The following ARHGAP21 variants were observed in gnomAD, a reference collection of about 807,000 sequenced individuals.
ARHGAP21 encodes rho GTPase-activating protein 21.
In ARHGAP21, 38 loss-of-function variants were observed where a neutral mutation model predicts 164.6. The observed-to-expected ratio is 0.23, with a 90% CI of 0.18 to 0.30. The LOEUF is 0.30. Ranked by LOEUF, ARHGAP21 falls within the 10% of genes least tolerant of loss-of-function variation. The pLI, the probability that ARHGAP21 is intolerant of heterozygous loss-of-function variation, is 1.00. For missense variants in ARHGAP21, 1,822 were observed against 2,370.7 expected, an observed-to-expected ratio of 0.77 and a Z score of 4.81; for synonymous variants, 766 against 857.9, an observed-to-expected ratio of 0.89 and a Z score of 1.87.
intron 24 of ARHGAP21, 64 bp downstream of exon 24, chr10:24,591,161 C>A: frequency 1.5e-6 from 2 of 1,299,864 alleles, no homozygotes; most frequent in East Asian, 2.4e-5. Context: ...GATTGATTTG[C>A]TCTTTCATAT....
rs950979734 is a variant in ARHGAP21, at chr10:24,722,283, G to A, written c.-380-4C>T. ...AGTGTCAGCTCCTAGAGAGATCCTA[G>A]GAAAACGAGAAGTTAAAGGTCATGA... On this transcript the variant is annotated splice_region_variant and splice_polypyrimidine_tract_variant and intron_variant, in intron 1 of 25. Transcript: ENST00000396432. 4.5e-6 allele frequency: 1 copy of A among 222,774 alleles called. No individual in the cohort carries two copies. Among genetic ancestry groups the A allele is most frequent in the African/African-American group, 2.2e-5 (1 of 45,120 alleles). 13.8% of individuals were successfully genotyped at this position (222,774 alleles called of 1,614,324 possible).
intron 2 of ARHGAP21, among the ~76,000 whole-genome samples, chr10:24,711,195 T>C (rs918054493): frequency 2.0e-5 from 3 of 151,454 alleles, no homozygotes; most frequent in African/African-American, 7.3e-5. Flanking sequence ...AGAAAGAAGT[T>C]AGTTGGAGCA....
chr10:24,591,610 A>T, intron 23 of ARHGAP21, 32 bp downstream of exon 23: 1 of 1,610,684 alleles, frequency 6.2e-7, no homozygotes, highest in Non-Finnish European at 8.5e-7. Context: ...AAATGAAACT[A>T]CTGAGTACAA....
chr10:24,584,750 G>A lies in ARHGAP21; in HGVS notation c.5539C>T (p.Leu1847Phe), dbSNP rs1263120864. ...CTGGCCAGCCAGTCTGAGATGGAAA[G>A]GTCCTGGGCTGAGCATTTTGGTTTT... ...RLKPKCSAQD[L>F]SISDWLARER... The change falls in exon 26 of 26, where the codon CTT (leucine) becomes TTT (phenylalanine). Residue 1847 changes from leucine to phenylalanine, a missense_variant. By Grantham distance (22) the Leu-to-Phe change is conservative. This residue lies in a region of ARHGAP21 where 165 missense variants were observed against 176.6 expected (regional missense o/e 0.93). Coordinates refer to ENST00000396432, the MANE Select transcript of ARHGAP21 (RefSeq NM_020824.4). 8.7e-6 allele frequency: 14 copies of A among 1,613,896 alleles called. No individual in the cohort carries two copies. Among genetic ancestry groups the A allele is most frequent in the Admixed American group, 3.3e-5 (2 of 59,996 alleles).
intron 9 of ARHGAP21, 114 bp from the exon 10 acceptor site, chr10:24,608,017 C>G (rs2077103948): frequency 4.5e-6 from 4 of 886,428 alleles, no homozygotes; most frequent in African/African-American, 3.4e-5. Context: ...ACTTCACCAC[C>G]AAAGCACATC....
At position 24,628,135 on chromosome 10, in the gene ARHGAP21, G is replaced by A. The variant is rs148678762; in HGVS notation, c.495+1861C>T. Reference sequence around the variant, plus strand: ...TAGTCTAGTTATTTTCATAGCCATTGGTGTCTGTGGTTATGTCTGCTACAT... The same window carrying A: ...TAGTCTAGTTATTTTCATAGCCATTAGTGTCTGTGGTTATGTCTGCTACAT... On this transcript the variant is annotated intron_variant, in intron 7 of 25. Coordinates refer to ENST00000396432, the MANE Select transcript of ARHGAP21 (RefSeq NM_020824.4). Among the ~76,000 whole-genome samples the A allele has an allele frequency of 5.9e-3, 906 of 152,298 alleles. 10 individuals carry two copies. Among genetic ancestry groups the A allele is most frequent in the African/African-American group, 0.021 (872 of 41,562 alleles).
rs1291509440 is a variant in ARHGAP21 at position 24,600,812 on chromosome 10, A to G, written c.2966T>C (p.Ile989Thr). The G allele has an allele frequency of 1.2e-6, 2 of 1,614,172 alleles. No individual in the cohort carries two copies. The highest frequency in any genetic ancestry group is 3.3e-5 in the Admixed American group (2 of 60,022). ...GTCTATCAAGCAAGCATTAACACTGATGGGCTGCTCTTCCTCAGACGGAGT... is the reference window on the plus strand; with the variant it reads ...GTCTATCAAGCAAGCATTAACACTGGTGGGCTGCTCTTCCTCAGACGGAGT... The part of the protein sequence containing the change: ...QTTPSEEEQP[I>T]SVNACLIDIS... Residue 989 changes from isoleucine (I) to threonine (T), a missense_variant, in exon 14 of 26, where the codon ATC becomes ACC. Ile to Thr is a moderately conservative substitution (Grantham distance 89). Coordinates refer to ENST00000396432, the MANE Select transcript of ARHGAP21 (RefSeq NM_020824.4).
chr10:24,628,930 TACATATATATACAC>T (rs1169725715), intron 7 of ARHGAP21: 1 of 108,094 alleles, frequency 9.3e-6, no homozygotes, highest in African/African-American at 3.7e-5. Flanking sequence ...TATATATACA[TACATATATATACAC>T]ACACACACTA....
intron 2 of ARHGAP21, among the ~76,000 whole-genome samples, chr10:24,712,978 GT>G (rs760330585): frequency 1.8e-4 from 26 of 146,674 alleles, no homozygotes; most frequent in South Asian, 1.2e-3. Flanking sequence ...TTACCTCAAG[GT>G]TAAAAAAAAA....
intron 15 of ARHGAP21, 48 bp downstream of exon 15, chr10:24,597,897 G>GTACTGATTTTATATC (rs1263988160): frequency 1.3e-6 from 2 of 1,555,734 alleles, no homozygotes; most frequent in Non-Finnish European, 1.8e-6. Context: ...GGGGATGACT[G>GTACTGATTTTATATC]TACTGATTTT....
At chr10:24,598,638 C>G (rs375704822) in intron 14 of ARHGAP21, among the ~76,000 whole-genome samples, 2 of 151,874 alleles carry the variant, frequency 1.3e-5, no homozygotes, top group African/African-American at 4.8e-5. Flanking sequence ...CCTTTTTTTC[C>G]TATTCATTCC....
intron 4 of ARHGAP21, among the ~76,000 whole-genome samples, chr10:24,637,914 G>A (rs1272251394): frequency 6.6e-6 from 1 of 151,098 alleles, no homozygotes; most frequent in East Asian, 1.9e-4. Context: ...GCCCGGGCTG[G>A]AGTGCAGTGG....
chr10:24,653,694 T>C (rs1384984778), intron 4 of ARHGAP21, among the ~76,000 whole-genome samples: 1 of 152,186 alleles, frequency 6.6e-6, no homozygotes, highest in Non-Finnish European at 1.5e-5. Context: ...TAACCAGGTC[T>C]ACAGGTGCAA....
At chr10:24,708,070 A>C (rs1844408380) in intron 2 of ARHGAP21, among the ~76,000 whole-genome samples, 1 of 152,242 alleles carries the variant, frequency 6.6e-6, no homozygotes, top group African/African-American at 2.4e-5. Flanking sequence ...TAGCAAAATA[A>C]ATTTGAGAGA....
At chr10:24,613,286 T>TGA (rs1225809297) in intron 9 of ARHGAP21, among the ~76,000 whole-genome samples, 1 of 152,204 alleles carries the variant, frequency 6.6e-6, no homozygotes, top group Non-Finnish European at 1.5e-5. Flanking sequence ...CAACAGACCT[T>TGA]GAGTAGGCTC....
chr10:24,621,420 T>C, intron 8 of ARHGAP21, 51 bp from the exon 9 acceptor site: 2 of 1,454,522 alleles, frequency 1.4e-6, no homozygotes, highest in Non-Finnish European at 1.8e-6. Flanking sequence ...AAAAGAATAA[T>C]AATTTCCATT....
intron 2 of ARHGAP21, among the ~76,000 whole-genome samples, chr10:24,712,981 A>T (rs565912879): frequency 2.2e-5 from 3 of 135,168 alleles, no homozygotes; most frequent in East Asian, 3.9e-4. Context: ...CCTCAAGGTT[A>T]AAAAAAAAAA....
chr10:24,596,249 A>G (rs370179564), intron 17 of ARHGAP21: 15 of 425,820 alleles, frequency 3.5e-5, no homozygotes, highest in Non-Finnish European at 5.7e-5. Context: ...GACTGAAAGA[A>G]AGAGAGGGAC....
chr10:24,625,020 T>C (rs1682579620), intron 7 of ARHGAP21, among the ~76,000 whole-genome samples: 1 of 112,392 alleles, frequency 8.9e-6, no homozygotes, highest in Non-Finnish European at 1.6e-5. Flanking sequence ...AGCCCTGTTT[T>C]GCCTATTAGA....
Sources: allele counts gnomAD v4.1 joint callset (sites outside exome capture counted in the v4.1 genomes callset), GRCh38; gene constraint gnomAD v4.1.1; regional missense constraint gnomAD v4.1.1; transcripts MANE v1.5; gene names NCBI Gene and HGNC (gene_info 2026-07-23, HGNC 2026-07-21).